The following ATP8B4 variants were observed in gnomAD, a reference collection of about 807,000 sequenced individuals.
ATP8B4 encodes ATPase phospholipid transporting 8B4 (putative).
In ATP8B4, 133 loss-of-function variants were observed where a neutral mutation model predicts 145.6. The ratio of observed to expected loss-of-function variants is 0.91; its 90% confidence interval spans 0.79 to 1.05. ATP8B4 has a LOEUF of 1.05. Ranked by LOEUF, ATP8B4 falls within the 50% of genes least tolerant of loss-of-function variation. The probability of loss-of-function intolerance (pLI) is 0.00; values close to 1 mark genes in which losing one functional copy is unlikely to be tolerated. For missense variants in ATP8B4, 1,458 were observed against 1,425.2 expected (o/e 1.02, Z -0.37); for synonymous variants, 507 against 492.9 (o/e 1.03, Z -0.38).
At chr15:49,879,614 C>T (rs375031779) in intron 23 of ATP8B4, 155 bp from the exon 24 acceptor site, 4 of 628,814 alleles carry the variant, frequency 6.4e-6, no homozygotes, top group East Asian at 2.9e-5. Context: ...CTCTTATCAG[C>T]TCTGGTGCCT....
intron 14 of ATP8B4, among the ~76,000 whole-genome samples, chr15:49,944,369 A>G (rs2042397473): frequency 6.6e-6 from 1 of 152,308 alleles, no homozygotes; most frequent in East Asian, 1.9e-4. Context: ...AAGTGAAGGG[A>G]TGGAAAAAAA....
intron 1 of ATP8B4, among the ~76,000 whole-genome samples, chr15:50,140,523 A>G (rs544365537): frequency 6.6e-6 from 1 of 152,244 alleles, no homozygotes; most frequent in South Asian, 2.1e-4. Context: ...TAGATAACAA[A>G]GCATTTAGGA....
intron 2 of ATP8B4, among the ~76,000 whole-genome samples, chr15:50,101,109 C>T (rs796464117): frequency 3.3e-5 from 5 of 152,144 alleles, no homozygotes; most frequent in South Asian, 4.2e-4. Context: ...ATTCAGTTTA[C>T]GAACATTGAT....
At chr15:49,927,341 G>T (rs973030250) in intron 16 of ATP8B4, among the ~76,000 whole-genome samples, 1 of 152,010 alleles carries the variant, frequency 6.6e-6, no homozygotes, top group African/African-American at 2.4e-5. Context: ...AGAAAGGGGA[G>T]GATCAGCAGC....
chr15:49,971,425 A>T (rs1040632951), intron 13 of ATP8B4, among the ~76,000 whole-genome samples: 1 of 152,134 alleles, frequency 6.6e-6, no homozygotes, highest in Non-Finnish European at 1.5e-5. Context: ...AATTTACAAG[A>T]TAAAAACAAA....
At chr15:50,079,352 TAATAAA>T (rs2054396201) in intron 2 of ATP8B4, among the ~76,000 whole-genome samples, 1 of 152,146 alleles carries the variant, frequency 6.6e-6, no homozygotes, top group Admixed American at 6.5e-5. Flanking sequence ...TCAAGAATGA[TAATAAA>T]AATAGCTAAT....
chr15:49,962,072 T>A, intron 13 of ATP8B4, 52 bp from the exon 14 acceptor site: 1 of 1,385,726 alleles, frequency 7.2e-7, no homozygotes, highest in Non-Finnish European at 1.0e-6. Flanking sequence ...AAATTAGAAT[T>A]AGACATTTAG....
At chr15:49,961,701 AC>A (rs1289775437) in intron 14 of ATP8B4, among the ~76,000 whole-genome samples, 1 of 152,176 alleles carries the variant, frequency 6.6e-6, no homozygotes, top group Non-Finnish European at 1.5e-5. Flanking sequence ...TTATGCTACC[AC>A]CTATATAATT....
intron 6 of ATP8B4, among the ~76,000 whole-genome samples, chr15:50,023,806 GA>G (rs57474721): frequency 0.11 from 11,998 of 106,748 alleles, 588 homozygotes; most frequent in East Asian, 0.32. Context: ...AGAAAAAAAA[GA>G]AAAAAAAAAA....
intron 23 of ATP8B4, among the ~76,000 whole-genome samples, chr15:49,893,821 G>C (rs1447836883): frequency 8.5e-5 from 13 of 152,148 alleles, no homozygotes; most frequent in African/African-American, 2.9e-4. Flanking sequence ...AGCTAATATA[G>C]ACCATGATTG....
chr15:49,947,463 T>C (rs895830017), intron 14 of ATP8B4, among the ~76,000 whole-genome samples: 5 of 143,778 alleles, frequency 3.5e-5, no homozygotes, highest in Non-Finnish European at 3.0e-5. Context: ...AAAGAAAACA[T>C]TGATGAAAGC....
At chr15:49,920,167 T>A in intron 18 of ATP8B4, 79 bp downstream of exon 18, 1 of 1,511,164 alleles carries the variant, frequency 6.6e-7, no homozygotes, top group Non-Finnish European at 9.0e-7. Context: ...ACTTAGCCAA[T>A]GGCTTATTCC....
rs2038013515 is a variant in ATP8B4, at chr15:49,901,375, T to C, written c.2142-136A>G. 4 of 913,096 alleles carry C rather than the reference T, an allele frequency of 4.4e-6. No individual in the cohort carries two copies. The Admixed American group carries it at 1.2e-4, about 28-fold the overall frequency. The allele number at this position is 913,096 out of a possible 1,614,324, so 56.6% of individuals were successfully genotyped here. ...AATATGGCATAAGACCCAGTTTCAG[T>C]AAGCAAGCTGGATAATTCTTTGTGA... is the stretch of plus-strand genomic sequence containing the variant. On this transcript the variant is annotated intron_variant, in intron 20 of 27. Coordinates refer to ENST00000284509, the MANE Select transcript of ATP8B4 (RefSeq NM_024837.4).
Position 49,887,641 on chromosome 15 carries a change from A to G in ATP8B4, c.2698-8182T>C, listed in dbSNP as rs151077050. ...ATGTCACAAGTCTGTTTAAAATCCT[A>G]TAAGTGTCTCTTCACAGATCAGAAA... On this transcript the variant is annotated intron_variant, in intron 23 of 27. Coordinates refer to ENST00000284509, the MANE Select transcript of ATP8B4 (RefSeq NM_024837.4). 4.6e-3 allele frequency among the ~76,000 whole-genome samples: 706 copies of G among 151,978 alleles called. 3 individuals are homozygous for G. The highest frequency in any genetic ancestry group is 0.012 in the South Asian group (59 of 4,816).
intron 3 of ATP8B4, among the ~76,000 whole-genome samples, chr15:50,066,732 T>C (rs185215635): frequency 6.6e-6 from 1 of 152,306 alleles, no homozygotes; most frequent in African/African-American, 2.4e-5. Flanking sequence ...GTTTCTCTTC[T>C]CTTTATTGCA....
At chr15:50,036,686 A>G (rs997900970) in intron 6 of ATP8B4, among the ~76,000 whole-genome samples, 12 of 152,210 alleles carry the variant, frequency 7.9e-5, no homozygotes, top group African/African-American at 2.4e-4. Flanking sequence ...TTGTTACAGC[A>G]TAGTTTGAAA....
rs182059675 is a variant in ATP8B4 at position 49,900,545 on chromosome 15, A to G, written c.2289+547T>C. ...GAATCTGAACTACATTAAAAGTACAATGCAAGTTCATTCTATTAGGACAAG... is the reference window on the plus strand; with the variant it reads ...GAATCTGAACTACATTAAAAGTACAGTGCAAGTTCATTCTATTAGGACAAG... On this transcript the variant is annotated intron_variant, in intron 21 of 27. Transcript: ENST00000284509. Among the ~76,000 whole-genome samples the G allele has an allele frequency of 3.6e-3, 545 of 152,356 alleles. 6 individuals carry two copies. Among genetic ancestry groups the G allele is most frequent in the African/African-American group, 0.013 (525 of 41,588 alleles).
chr15:49,993,138 TTG>T (rs2047165231), intron 9 of ATP8B4, among the ~76,000 whole-genome samples: 1 of 152,132 alleles, frequency 6.6e-6, no homozygotes, highest in Non-Finnish European at 1.5e-5. Flanking sequence ...TCTACATACT[TTG>T]TTTTGCATCT....
At chr15:49,889,196 C>T (rs1001189582) in intron 23 of ATP8B4, among the ~76,000 whole-genome samples, 1 of 152,004 alleles carries the variant, frequency 6.6e-6, no homozygotes, top group Non-Finnish European at 1.5e-5. Flanking sequence ...GTAGGCAGAG[C>T]GCTGAAGTGG....
Sources: allele counts gnomAD v4.1 joint callset (sites outside exome capture counted in the v4.1 genomes callset), GRCh38; gene constraint gnomAD v4.1.1; transcripts MANE v1.5; gene names NCBI Gene and HGNC (gene_info 2026-07-23, HGNC 2026-07-21).